The following SLC23A2 variants were observed in gnomAD, a reference collection of about 807,000 sequenced individuals.
SLC23A2 encodes solute carrier family 23 member 2.
A neutral mutation model predicts 73.3 loss-of-function variants in SLC23A2; 36 were observed. That is an observed-to-expected ratio of 0.49 (90% CI 0.38 to 0.65). The LOEUF is 0.65. Ranked by LOEUF, SLC23A2 falls within the 30% of genes least tolerant of loss-of-function variation. The probability of loss-of-function intolerance (pLI) is 0.00; values close to 1 mark genes in which losing one functional copy is unlikely to be tolerated. For missense variants in SLC23A2, 507 were observed against 841.6 expected, an observed-to-expected ratio of 0.60 and a Z score of 4.92; for synonymous variants, 343 against 327.3, an observed-to-expected ratio of 1.05 and a Z score of -0.52.
intron 9 of SLC23A2, among the ~76,000 whole-genome samples, chr20:4,881,670 G>A (rs780771962): frequency 5.3e-5 from 8 of 151,932 alleles, no homozygotes; most frequent in Non-Finnish European, 1.2e-4. Context: ...TTATTAATTC[G>A]TTCCCCCTGC....
chr20:4,876,137 G>T (rs1285394323), intron 9 of SLC23A2, among the ~76,000 whole-genome samples: 1 of 152,126 alleles, frequency 6.6e-6, no homozygotes, highest in Non-Finnish European at 1.5e-5. Context: ...AAACAATATG[G>T]TAACAAGGGA....
At chr20:5,003,236 T>G (rs1468371991), upstream of SLC23A2, among the ~76,000 whole-genome samples, 1 of 151,636 alleles carries the variant, frequency 6.6e-6, no homozygotes, top group Non-Finnish European at 1.5e-5. Context: ...ACAAAAAAAT[T>G]AGCCGGGCGT....
chr20:4,941,695 C>CT (rs1568634499), intron 2 of SLC23A2, among the ~76,000 whole-genome samples: 1 of 148,962 alleles, frequency 6.7e-6, no homozygotes, highest in Non-Finnish European at 1.5e-5. Flanking sequence ...GGGTGAGACT[C>CT]TGTCTCGAGG....
chr20:4,998,248 C>T lies in SLC23A2; in HGVS notation c.-282+3158G>A, dbSNP rs1325955331. Among the ~76,000 whole-genome samples the T allele has an allele frequency of 1.3e-5, 2 of 152,128 alleles. No individual in the cohort carries two copies. Among genetic ancestry groups the T allele is most frequent in the East Asian group, 1.9e-4 (1 of 5,198 alleles). On this transcript the variant is annotated intron_variant, in intron 1 of 16. Coordinates refer to ENST00000338244, the MANE Select transcript of SLC23A2 (RefSeq NM_005116.6). The surrounding 1 kb of genome is among the most constrained non-coding windows in gnomAD (Gnocchi z 4.1). Reference sequence around the variant, plus strand: ...CCAGATCTCATTGTCCACATCCCTACAGTGTGGGCTCCATGTGGGCTGGGA... The same window carrying T: ...CCAGATCTCATTGTCCACATCCCTATAGTGTGGGCTCCATGTGGGCTGGGA...
At chr20:4,903,278 G>A (rs1931820000) in intron 4 of SLC23A2, among the ~76,000 whole-genome samples, 1 of 152,032 alleles carries the variant, frequency 6.6e-6, no homozygotes, top group Non-Finnish European at 1.5e-5. Flanking sequence ...AGTCACTTTA[G>A]GTTAGAGTCC....
At chr20:4,932,765 C>T in intron 2 of SLC23A2, 49 bp from the exon 3 acceptor site, 1 of 537,076 alleles carries the variant, frequency 1.9e-6, no homozygotes, top group Non-Finnish European at 3.3e-6. Context: ...GAAAACAACA[C>T]AGGCCATGCA....
chr20:4,877,281 C>A (rs765431644), intron 9 of SLC23A2, among the ~76,000 whole-genome samples: 5 of 152,068 alleles, frequency 3.3e-5, no homozygotes, highest in African/African-American at 1.2e-4. Context: ...AGTCTTTTCA[C>A]GTTGAGGTAT....
chr20:4,939,527 T>C (rs1485478393), intron 2 of SLC23A2, among the ~76,000 whole-genome samples: 1 of 152,244 alleles, frequency 6.6e-6, no homozygotes, highest in Non-Finnish European at 1.5e-5. Context: ...CCTCTTTCGA[T>C]GTGATTGAAT....
intron 1 of SLC23A2, among the ~76,000 whole-genome samples, chr20:4,981,182 C>G (rs1008210836): frequency 5.9e-5 from 9 of 152,192 alleles, no homozygotes; most frequent in Non-Finnish European, 1.0e-4. Context: ...TCTGCATAGA[C>G]CAGGGACAAC....
intron 1 of SLC23A2, among the ~76,000 whole-genome samples, chr20:4,972,986 G>A (rs2087588455): frequency 6.6e-6 from 1 of 152,146 alleles, no homozygotes. Flanking sequence ...CATGAGAAAA[G>A]AAAACAAGAG....
chr20:4,921,907 G>A (rs1012000308), intron 3 of SLC23A2, among the ~76,000 whole-genome samples: 3 of 152,140 alleles, frequency 2.0e-5, no homozygotes, highest in South Asian at 2.1e-4. Context: ...AAAACCTAGG[G>A]AGAACTATGG....
chr20:4,893,768 C>T (rs893911114), intron 6 of SLC23A2, among the ~76,000 whole-genome samples: 14 of 152,316 alleles, frequency 9.2e-5, no homozygotes, highest in South Asian at 2.1e-4. Flanking sequence ...GGCCTGAGAA[C>T]GGCCAGGAGG....
intron 1 of SLC23A2, among the ~76,000 whole-genome samples, chr20:4,987,378 G>A (rs552746975): frequency 1.3e-5 from 2 of 152,056 alleles, no homozygotes; most frequent in East Asian, 3.9e-4. Context: ...GAAGCCCTGG[G>A]GACAAACCTG....
intron 1 of SLC23A2, among the ~76,000 whole-genome samples, chr20:5,001,189 C>T (rs1335993977): frequency 2.0e-5 from 3 of 150,846 alleles, no homozygotes; most frequent in African/African-American, 7.3e-5. Flanking sequence ...CTGAGGGCCG[C>T]CGGGCATCTT....
chr20:4,895,979 C>G (rs2122857735), intron 6 of SLC23A2, among the ~76,000 whole-genome samples: 1 of 152,258 alleles, frequency 6.6e-6, no homozygotes, highest in East Asian at 1.9e-4. Context: ...AAACCTGAGG[C>G]AAGGCTGTGA....
chr20:4,956,098 C>G (rs7266587), intron 2 of SLC23A2, among the ~76,000 whole-genome samples: 8,547 of 152,174 alleles, frequency 0.056, 438 homozygotes, highest in African/African-American at 0.13. Flanking sequence ...ACTTTTAATT[C>G]TTCAGAAATA....
At chr20:4,933,658 C>A (rs1336641539) in intron 2 of SLC23A2, among the ~76,000 whole-genome samples, 2 of 151,840 alleles carry the variant, frequency 1.3e-5, no homozygotes, top group East Asian at 3.9e-4. Flanking sequence ...TGAGAGGGCA[C>A]AGAGGATCCC....
At chr20:4,976,185 T>G (rs1200974480) in intron 1 of SLC23A2, among the ~76,000 whole-genome samples, 1 of 151,994 alleles carries the variant, frequency 6.6e-6, no homozygotes. Context: ...ACTTTTACTT[T>G]GCTTTTTCTT....
chr20:5,009,961 T>A (rs987854582), intron 1 of SLC23A2, among the ~76,000 whole-genome samples: 85 of 151,870 alleles, frequency 5.6e-4, no homozygotes, highest in African/African-American at 1.6e-3. Context: ...CGGGCGTGGT[T>A]GCAGGCGCCT....
Sources: gnomAD v4.1 joint callset for allele counts (sites outside exome capture counted in the v4.1 genomes callset) on GRCh38, gnomAD v4.1.1 for gene constraint, Gnocchi (gnomAD v3.1) non-coding constraint, MANE v1.5 for transcripts, NCBI Gene and HGNC (gene_info 2026-07-23, HGNC 2026-07-21) for gene names.